COBLL1: variants seen among roughly 807,000 people sequenced by gnomAD.
The protein encoded by COBLL1 is cordon-bleu protein-like 1.
Under a neutral mutation model 94.8 loss-of-function variants are expected in COBLL1, and 50 were observed. That is an observed-to-expected ratio of 0.53 (90% CI 0.42 to 0.67). The LOEUF (loss-of-function observed/expected upper bound fraction) is 0.67. COBLL1 is among the 30% of genes least tolerant of loss of function. The pLI, the probability that COBLL1 is intolerant of heterozygous loss-of-function variation, is 0.00. For synonymous variants in COBLL1, 448 were observed against 473.8 expected (o/e 0.95, Z 0.71); for missense variants, 1,362 against 1,348.7 (o/e 1.01, Z -0.15).
chr2:164,784,535 A>G (rs960622487), intron 2 of COBLL1, among the ~76,000 whole-genome samples: 1 of 152,028 alleles, frequency 6.6e-6, no homozygotes, highest in Non-Finnish European at 1.5e-5. Context: ...GAGCATATCC[A>G]CCCATTGTCC....
chr2:164,672,705 CA>C (rs1187183800), intron 1 of COBLL1, among the ~76,000 whole-genome samples: 223 of 64,936 alleles, frequency 3.4e-3, no homozygotes, highest in East Asian at 9.6e-3. Context: ...GACTCCGTCT[CA>C]AAAAAAAAAA....
rs561856442 is a variant in COBLL1 at position 164,722,407 on chromosome 2, A to G, written c.759+18T>C. On this transcript the variant is annotated intron_variant, in intron 6 of 13. Transcript: ENST00000652658. ...TAATTGAAGAATCTTACAAAATGCA[A>G]TATAAGAAAATACTTACTTGGTCTC... The G allele has an allele frequency of 6.7e-7, 1 of 1,496,770 alleles. No homozygotes were observed. The highest frequency in any genetic ancestry group is 1.4e-5 in the African/African-American group (1 of 71,274). The allele number at this position is 1,496,770 out of a possible 1,614,324, so 92.7% of individuals were successfully genotyped here. A position where few individuals can be genotyped will look rare whatever the true frequency, so the allele number is the denominator to read the frequency against.
chr2:164,718,808 G>C (rs940931427), intron 7 of COBLL1, among the ~76,000 whole-genome samples: 5 of 152,206 alleles, frequency 3.3e-5, no homozygotes, highest in Admixed American at 6.5e-5. Flanking sequence ...AAATGAAGAA[G>C]ATGGAAGTGG....
At chr2:164,793,586 T>C (rs1005755241) in intron 2 of COBLL1, among the ~76,000 whole-genome samples, 2 of 152,218 alleles carry the variant, frequency 1.3e-5, no homozygotes, top group Non-Finnish European at 2.9e-5. Flanking sequence ...AAAAACTAAA[T>C]GACTAAAATC....
In COBLL1 at chr2:164,670,077, G is replaced by A. The variant is rs13432797; in HGVS notation, n.127-4176C>T. Among the ~76,000 whole-genome samples the A allele has an allele frequency of 5.3e-5, 8 of 152,048 alleles. No homozygotes were observed. The South Asian group carries it at 1.7e-3, about 32-fold the overall frequency. ...CATCATAACAGCAGCTGACATGATT[G>A]AAAGCTTATTCTGTACCACATTCAG... On this transcript the variant is annotated intron_variant and non_coding_transcript_variant, in intron 1 of 2. Coordinates refer to the COBLL1 transcript ENST00000495084.
At chr2:164,790,974 G>T (rs962338489) in intron 2 of COBLL1, among the ~76,000 whole-genome samples, 1 of 152,122 alleles carries the variant, frequency 6.6e-6, no homozygotes, top group African/African-American at 2.4e-5. Flanking sequence ...CTCTCCAAAA[G>T]ATAACTCCTA....
intron 2 of COBLL1, among the ~76,000 whole-genome samples, chr2:164,825,179 C>T (rs901486514): frequency 1.3e-5 from 2 of 152,190 alleles, no homozygotes; most frequent in African/African-American, 4.8e-5. Flanking sequence ...AACCAGAGTC[C>T]TGTAAGCCAC....
chr2:164,679,419 C>T (rs1247966281), downstream of COBLL1, among the ~76,000 whole-genome samples: 1 of 151,856 alleles, frequency 6.6e-6, no homozygotes, highest in Non-Finnish European at 1.5e-5. Context: ...ATGAGGTACT[C>T]ATTGCAAAGG....
At chr2:164,718,163 G>T in intron 7 of COBLL1, 1 of 639,912 alleles carries the variant, frequency 1.6e-6, no homozygotes, top group Non-Finnish European at 1.9e-6. Context: ...GGCTATGAAA[G>T]CAGTGATTAA....
intron 2 of COBLL1, among the ~76,000 whole-genome samples, chr2:164,783,782 CAT>C (rs1297459006): frequency 6.6e-6 from 1 of 152,042 alleles, no homozygotes; most frequent in East Asian, 1.9e-4. Flanking sequence ...GCCTGGGCAA[CAT>C]AGCGAGATCC....
chr2:164,751,392 T>A (rs950268030), intron 2 of COBLL1, among the ~76,000 whole-genome samples: 2 of 152,070 alleles, frequency 1.3e-5, no homozygotes, highest in African/African-American at 2.4e-5. Flanking sequence ...CATTTTTTTT[T>A]ATTTAGTTGA....
At chr2:164,814,503 T>C (rs17248297) in intron 2 of COBLL1, among the ~76,000 whole-genome samples, 19,961 of 152,206 alleles carry the variant, frequency 0.13, 1,555 homozygotes, top group Admixed American at 0.19. Flanking sequence ...TAAATAGTCA[T>C]TGAATAAATC....
chr2:164,776,896 T>C (rs1251338260), intron 2 of COBLL1, among the ~76,000 whole-genome samples: 1 of 152,178 alleles, frequency 6.6e-6, no homozygotes, highest in Non-Finnish European at 1.5e-5. Flanking sequence ...ACGATAGATA[T>C]TTAATTTTTA....
At chr2:164,824,830 CA>C (rs1007138177) in intron 2 of COBLL1, among the ~76,000 whole-genome samples, 16 of 151,722 alleles carry the variant, frequency 1.1e-4, no homozygotes, top group African/African-American at 3.9e-4. Flanking sequence ...ATTAAAAATA[CA>C]AAAAAAAGTG....
chr2:164,703,587 A>G (rs908030869), intron 9 of COBLL1: 1 of 424,176 alleles, frequency 2.4e-6, no homozygotes, highest in Non-Finnish European at 4.7e-6. Flanking sequence ...GGAGTGAAGA[A>G]TTCTTACATA....
At chr2:164,815,398 CA>C (rs66834267) in intron 2 of COBLL1, among the ~76,000 whole-genome samples, 28,835 of 111,948 alleles carry the variant, frequency 0.26, 5,542 homozygotes, top group African/African-American at 0.58. Flanking sequence ...TATCCTATCT[CA>C]AAAAAAAAAA....
At chr2:164,676,855 C>A (rs924253194), downstream of COBLL1, among the ~76,000 whole-genome samples, 5 of 152,096 alleles carry the variant, frequency 3.3e-5, no homozygotes, top group Non-Finnish European at 7.4e-5. Flanking sequence ...TAGAGGAATT[C>A]TACACTCTCT....
chr2:164,835,641 A>G (rs536638543), intron 2 of COBLL1, among the ~76,000 whole-genome samples: 1 of 152,302 alleles, frequency 6.6e-6, no homozygotes, highest in East Asian at 1.9e-4. Flanking sequence ...CTAAGATGGT[A>G]AATTTTATGC....
chr2:164,775,932 AC>A (rs936312441), intron 2 of COBLL1, among the ~76,000 whole-genome samples: 1 of 151,758 alleles, frequency 6.6e-6, no homozygotes, highest in African/African-American at 2.4e-5. Flanking sequence ...TGAACTTTTC[AC>A]CCCTCCTCCC....
Sources: allele counts gnomAD v4.1 joint callset (sites outside exome capture counted in the v4.1 genomes callset), GRCh38; gene constraint gnomAD v4.1.1; transcripts MANE v1.5; gene names NCBI Gene and HGNC (gene_info 2026-07-23, HGNC 2026-07-21).